The following USP32 variants were observed in gnomAD, a reference collection of about 807,000 sequenced individuals.
USP32 encodes the protein ubiquitin specific peptidase 32.
In USP32, 59 loss-of-function variants were observed where a neutral mutation model predicts 204.8. The ratio of observed to expected loss-of-function variants is 0.29; its 90% CI spans 0.23 to 0.36. The LOEUF is 0.36. Ranked by LOEUF, USP32 falls within the 10% of genes least tolerant of loss-of-function variation. The pLI is 1.00. For synonymous variants in USP32, 517 were observed against 678.4 expected (o/e 0.76, Z 3.70); for missense variants, 1,160 against 1,946.4 (o/e 0.60, Z 7.60).
At chr17:60,198,487 C>T in intron 26 of USP32, 43 bp from the exon 27 acceptor site, 1 of 1,601,614 alleles carries the variant, frequency 6.2e-7, no homozygotes, top group Non-Finnish European at 8.5e-7. Flanking sequence ...GAAGACAGGC[C>T]TCTGATTCCT....
chr17:60,335,824 G>C (rs2088502307), intron 2 of USP32, among the ~76,000 whole-genome samples: 1 of 143,056 alleles, frequency 7.0e-6, no homozygotes, highest in Non-Finnish European at 1.5e-5. Flanking sequence ...TCTTGTTGTT[G>C]CATTGAATTT....
chr17:60,294,473 C>A (rs944426456), intron 4 of USP32, among the ~76,000 whole-genome samples: 3 of 151,422 alleles, frequency 2.0e-5, no homozygotes, highest in Non-Finnish European at 4.4e-5. Context: ...GAATAGTTGC[C>A]TTTACAGTAG....
chr17:60,326,309 CTT>C (rs1348199021), intron 2 of USP32, among the ~76,000 whole-genome samples: 2 of 144,966 alleles, frequency 1.4e-5, no homozygotes, highest in African/African-American at 5.0e-5. Flanking sequence ...GGTTTGTTTT[CTT>C]TTTTTTTTTT....
intron 15 of USP32, among the ~76,000 whole-genome samples, chr17:60,220,142 A>G (rs981198840): frequency 4.6e-5 from 7 of 152,078 alleles, no homozygotes; most frequent in Admixed American, 3.9e-4. Flanking sequence ...TAAATGATTG[A>G]CATTTTAAGG....
At chr17:60,297,484 T>C (rs1177843946) in intron 3 of USP32, among the ~76,000 whole-genome samples, 3 of 151,748 alleles carry the variant, frequency 2.0e-5, no homozygotes, top group Non-Finnish European at 4.4e-5. Flanking sequence ...AGTCTTGCCC[T>C]GTCGCCCAGG....
intron 1 of USP32, among the ~76,000 whole-genome samples, chr17:60,401,999 C>T (rs2089939208): frequency 6.6e-6 from 1 of 152,212 alleles, no homozygotes; most frequent in Non-Finnish European, 1.5e-5. Context: ...CATGGGCAAC[C>T]TTTCTGGAAA....
At chr17:60,238,405 C>T (rs1219564085) in intron 11 of USP32, among the ~76,000 whole-genome samples, 1 of 152,100 alleles carries the variant, frequency 6.6e-6, no homozygotes, top group Non-Finnish European at 1.5e-5. Context: ...CAGTGGCTCA[C>T]ACCTGTAATC....
intron 17 of USP32, among the ~76,000 whole-genome samples, chr17:60,213,912 G>A (rs1163611778): frequency 1.3e-5 from 2 of 151,366 alleles, no homozygotes; most frequent in Non-Finnish European, 1.5e-5. Context: ...GGGAACAGGT[G>A]GTGTTTGGTT....
At chr17:60,226,774 G>A (rs1328258095) in intron 12 of USP32, among the ~76,000 whole-genome samples, 3 of 152,028 alleles carry the variant, frequency 2.0e-5, no homozygotes, top group African/African-American at 7.2e-5. Context: ...ATACCTATGT[G>A]ACCTTCTACA....
intron 26 of USP32, among the ~76,000 whole-genome samples, chr17:60,204,210 C>A (rs569369348): frequency 6.6e-6 from 1 of 152,114 alleles, no homozygotes; most frequent in Non-Finnish European, 1.5e-5. Context: ...AAAACCAACC[C>A]CAAAACAAAA....
In USP32 at chr17:60,386,001, C is replaced by A. The variant is rs543112796; in HGVS notation, c.58+5881G>T. 6.6e-5 allele frequency among the ~76,000 whole-genome samples: 10 copies of A among 151,908 alleles called. No individual in the cohort carries two copies. The South Asian group carries it at 2.1e-3, about 32-fold the overall frequency. ...ACATCTCTGACTATAAAAGAAAATT[C>A]TATTCTATTGCTGCATAACACACAC... On this transcript the variant is annotated intron_variant, in intron 1 of 33. Transcript: ENST00000300896.
At position 60,421,266 on chromosome 17, in the gene USP32, A is replaced by G. The variant is rs1299275528; in HGVS notation, c.106+980T>C. 4.0e-6 allele frequency: 3 copies of G among 741,276 alleles called. No individual in the cohort carries two copies. The African/African-American group carries it at 5.7e-5, about 14-fold the overall frequency. The allele number at this position is 741,276 out of a possible 1,614,324, so 45.9% of individuals were successfully genotyped here. A position where few individuals can be genotyped will look rare whatever the true frequency, so the allele number is the denominator to read the frequency against. ...CCTTACAACAACAACAACGACAACA[A>G]TAACAACAAGACGTTTGCTGAACAT... On this transcript the variant is annotated intron_variant, in intron 1 of 3. Coordinates refer to the USP32 transcript ENST00000588898.
chr17:60,309,958 T>C (rs968684049), intron 2 of USP32, among the ~76,000 whole-genome samples: 1 of 151,798 alleles, frequency 6.6e-6, no homozygotes, highest in African/African-American at 2.4e-5. Context: ...GCAGGAGAAC[T>C]GTTTGAACCT....
chr17:60,239,938 T>G (rs1050063866), intron 11 of USP32, among the ~76,000 whole-genome samples: 2 of 152,196 alleles, frequency 1.3e-5, no homozygotes, highest in Non-Finnish European at 2.9e-5. Context: ...GGTTTTACCA[T>G]GTTGGCCAGG....
At chr17:60,282,802 C>A (rs998155779) in intron 5 of USP32, among the ~76,000 whole-genome samples, 18 of 152,164 alleles carry the variant, frequency 1.2e-4, no homozygotes, top group African/African-American at 4.3e-4. Context: ...ACTCTGGAGG[C>A]AATCAAATGT....
At chr17:60,398,827 T>A (rs1019859388) in intron 1 of USP32, among the ~76,000 whole-genome samples, 6 of 151,256 alleles carry the variant, frequency 4.0e-5, no homozygotes, top group African/African-American at 4.9e-5. Context: ...AAAAAAAAAA[T>A]TTAATTAGCT....
chr17:60,291,088 C>T (rs1326102017), intron 4 of USP32, among the ~76,000 whole-genome samples: 2 of 152,184 alleles, frequency 1.3e-5, no homozygotes, highest in Non-Finnish European at 2.9e-5. Context: ...AAAACCAAGA[C>T]ACCAAAAGGT....
intron 1 of USP32, among the ~76,000 whole-genome samples, chr17:60,400,963 G>C (rs796924494): frequency 2.6e-5 from 4 of 152,094 alleles, no homozygotes; most frequent in African/African-American, 9.7e-5. Context: ...TTCGAGACCA[G>C]CCTGGCCAAC....
intron 3 of USP32, among the ~76,000 whole-genome samples, chr17:60,298,575 G>A (rs2087497331): frequency 6.6e-6 from 1 of 151,796 alleles, no homozygotes; most frequent in South Asian, 2.1e-4. Context: ...GTTACCTTAA[G>A]CTCCTAGCCT....
Sources: gnomAD v4.1 joint callset for allele counts (sites outside exome capture counted in the v4.1 genomes callset) on GRCh38, gnomAD v4.1.1 for gene constraint, MANE v1.5 for transcripts, NCBI Gene and HGNC (gene_info 2026-07-23, HGNC 2026-07-21) for gene names.